FCHSD1: variants seen among roughly 807,000 people sequenced by gnomAD.
FCHSD1 encodes the protein F-BAR and double SH3 domains protein 1.
A neutral mutation model predicts 101.3 loss-of-function variants in FCHSD1; 109 were observed. The ratio of observed to expected loss-of-function variants is 1.08; its 90% confidence interval spans 0.92 to 1.26. The LOEUF (loss-of-function observed/expected upper bound fraction) is 1.26, where lower values mean the gene tolerates loss of function less well. FCHSD1 is among the 50% of genes most tolerant of loss of function. FCHSD1 has a pLI of 0.00. For synonymous variants in FCHSD1, 291 were observed against 356.8 expected, an observed-to-expected ratio of 0.82 and a Z score of 2.08; for missense variants, 820 against 895.8, an observed-to-expected ratio of 0.92 and a Z score of 1.08.
chr5:141,641,311 A>C lies in FCHSD1; in HGVS notation c.*187T>G. ...TTCCGGTCCTAGAGATGATAGAACA[A>C]TGGGAAAAAAAGGAGTGGGTTCCAG... On this transcript the variant is annotated 3_prime_UTR_variant, in exon 20 of 20. Coordinates refer to ENST00000435817, the MANE Select transcript of FCHSD1 (RefSeq NM_033449.3). 1 of 521,140 alleles carries C rather than the reference A, an allele frequency of 1.9e-6. No individual in the cohort carries two copies. 32.3% of individuals were successfully genotyped at this position (521,140 alleles called of 1,614,324 possible).
intron 15 of FCHSD1, 28 bp from the exon 16 acceptor site, chr5:141,644,718 T>A (rs561261833): frequency 1.2e-6 from 2 of 1,612,926 alleles, no homozygotes; most frequent in South Asian, 2.2e-5. Flanking sequence ...TGAACAGATA[T>A]TAGACTTACC....
At position 141,649,540 on chromosome 5, in the gene FCHSD1, C is replaced by A; in HGVS notation, c.234-4G>T. The A allele has an allele frequency of 1.2e-6, 2 of 1,610,602 alleles. No homozygotes were observed. Among genetic ancestry groups the A allele is most frequent in the Non-Finnish European group, 1.7e-6 (2 of 1,179,004 alleles). The stretch of plus-strand genomic sequence containing the variant: ...GGCACCGAACACTGTCCTGCCCCTC[C>A]CCAGAGAAGGTCTGTGTTGAGGAGG... On this transcript the variant is annotated splice_region_variant and splice_polypyrimidine_tract_variant and intron_variant, in intron 4 of 19. Transcript: ENST00000435817. This position sits in a 1 kb window ranked among gnomAD's most constrained non-coding sequence, Gnocchi z 4.1.
chr5:141,639,579 C>T lies in FCHSD1; in HGVS notation c.*1919G>A, dbSNP rs751205892. On this transcript the variant is annotated 3_prime_UTR_variant, in exon 20 of 20. Coordinates refer to ENST00000435817, the MANE Select transcript of FCHSD1 (RefSeq NM_033449.3). This position sits in a 1 kb window ranked among gnomAD's most constrained non-coding sequence, Gnocchi z 4.4. Reference sequence around the variant, plus strand: ...CCGCAGCAAGAGGCCTCCACTTGTCCGTCAGGGACGCTCCAAGGAAGGAAA... The same window carrying T: ...CCGCAGCAAGAGGCCTCCACTTGTCTGTCAGGGACGCTCCAAGGAAGGAAA... 11 of 1,613,882 alleles carry T rather than the reference C, an allele frequency of 6.8e-6. No individual in the cohort carries two copies. Among genetic ancestry groups the T allele is most frequent in the South Asian group, 3.3e-5 (3 of 91,070 alleles).
chr5:141,646,044 T>G (rs745521691), intron 12 of FCHSD1, 43 bp downstream of exon 12: 5 of 1,572,364 alleles, frequency 3.2e-6, no homozygotes, highest in Non-Finnish European at 4.3e-6. Flanking sequence ...GAGTGGGGCT[T>G]GCCTGAGAAG....
rs780405921 is a variant in FCHSD1, at chr5:141,649,332, C to T, written c.376-24G>A. On this transcript the variant is annotated intron_variant, in intron 5 of 19. Transcript: ENST00000435817. The surrounding 1 kb of genome is among the most constrained non-coding windows in gnomAD (Gnocchi z 4.1). ...CCCTATTGGGATGCATACACAAAGT[C>T]CTTACCTAGACCACCTTTGGTCCCA... 1.2e-6 allele frequency: 2 copies of T among 1,613,988 alleles called. No individual in the cohort carries two copies. The highest frequency in any genetic ancestry group is 1.7e-6 in the Non-Finnish European group (2 of 1,179,872).
rs1394060616 is a variant in FCHSD1, at chr5:141,643,024, G to A, written c.1928C>T (p.Pro643Leu). ...ACCCCCAGGCAGGACAGGTGCAGGG[G>A]GCCCATCCAACACAGAGGTAGGTGC... ...PPAPTSVLDGPPAPVLPGDKA... is the reference protein window; with the variant it reads ...PPAPTSVLDGLPAPVLPGDKA... The change falls in exon 18 of 20, where the codon CCC (proline) becomes CTC (leucine). Residue 643 changes from proline (P) to leucine (L), a missense_variant. Coordinates refer to ENST00000435817, the MANE Select transcript of FCHSD1 (RefSeq NM_033449.3). 6.4e-7 allele frequency: 1 copy of A among 1,565,176 alleles called. No individual in the cohort carries two copies. The highest frequency in any genetic ancestry group is 1.2e-5 in the South Asian group (1 of 85,110).
intron 17 of FCHSD1, 29 bp downstream of exon 17, chr5:141,644,189 G>A: frequency 6.3e-7 from 1 of 1,582,366 alleles, no homozygotes; most frequent in African/African-American, 1.4e-5. Context: ...AGAGGTGCCT[G>A]GGGAGTTCAG....
Position 141,640,799 on chromosome 5 carries a change from C to A in FCHSD1, c.*699G>T. 2.2e-6 allele frequency: 2 copies of A among 894,102 alleles called. No individual in the cohort carries two copies. The highest frequency in any genetic ancestry group is 3.3e-6 in the Non-Finnish European group (2 of 597,830). 55.4% of individuals were successfully genotyped at this position (894,102 alleles called of 1,614,324 possible). A position where few individuals can be genotyped will look rare whatever the true frequency, so the allele number is the denominator to read the frequency against. On this transcript the variant is annotated 3_prime_UTR_variant, in exon 20 of 20. Transcript: ENST00000435817. Reference sequence around the variant, plus strand: ...CCAGCTCTACTTCCACCTGGAGTTGCACAGTCTCAGGCTGGGGGCCTCAGG... The same window carrying A: ...CCAGCTCTACTTCCACCTGGAGTTGAACAGTCTCAGGCTGGGGGCCTCAGG...
intron 8 of FCHSD1, chr5:141,647,742 A>G (rs2099907833): frequency 1.0e-6 from 1 of 955,060 alleles, no homozygotes; most frequent in Admixed American, 3.0e-5. Context: ...ATAGGCAGAG[A>G]AAGGGTTATC....
intron 8 of FCHSD1, 90 bp downstream of exon 8, chr5:141,647,878 C>T (rs747364930): frequency 6.6e-7 from 1 of 1,525,412 alleles, no homozygotes; most frequent in East Asian, 2.4e-5. Flanking sequence ...AGATCCCCTG[C>T]ACCACCCACT....
rs770492101 is a variant in FCHSD1 at position 141,647,132 on chromosome 5, C to T, written c.924+3G>A. On this transcript the variant is annotated splice_donor_region_variant and intron_variant, in intron 10 of 19. Transcript: ENST00000435817. ...CTGGTTCCAACAAGCAGGAAGATCTCACCTGATCAGTCCCTGCTGGCTGAA... is the reference window on the plus strand; with the variant it reads ...CTGGTTCCAACAAGCAGGAAGATCTTACCTGATCAGTCCCTGCTGGCTGAA... The T allele has an allele frequency of 6.2e-7, 1 of 1,601,852 alleles. No homozygotes were observed. Among genetic ancestry groups the T allele is most frequent in the South Asian group, 1.1e-5 (1 of 88,546 alleles).
Position 141,640,311 on chromosome 5 carries a change from C to T in FCHSD1, c.*1187G>A, listed in dbSNP as rs769298620. On this transcript the variant is annotated 3_prime_UTR_variant, in exon 20 of 20. Coordinates refer to ENST00000435817, the MANE Select transcript of FCHSD1 (RefSeq NM_033449.3). ...TGATCACCAGGTAGGAAAACACAGC[C>T]GGGACTGCACTGGGCTGGGCTCTTA... 83 of 1,613,554 alleles carry T rather than the reference C, an allele frequency of 5.1e-5. No homozygotes were observed. Among genetic ancestry groups the T allele is most frequent in the East Asian group, 4.2e-4 (19 of 44,888 alleles).
In FCHSD1 at chr5:141,643,081, G is replaced by A. The variant is rs772631461; in HGVS notation, c.1871C>T (p.Pro624Leu). The change falls in exon 18 of 20, where the codon CCG becomes CTG. Residue 624 changes from proline to leucine, a missense_variant. Physicochemically the swap from Pro to Leu is moderately conservative, Grantham distance 98. Coordinates refer to ENST00000435817, the MANE Select transcript of FCHSD1 (RefSeq NM_033449.3). The part of the protein sequence containing the change: ...PELSDPEQML[P>L]SPSPPSFSPP... ...GGAGAAGCTGGGAGGAGAAGGGGAC[G>A]GCAGCATCTGGAGGTGGGGTGGGCA... 10 of 1,488,302 alleles carry A rather than the reference G, an allele frequency of 6.7e-6. No individual in the cohort carries two copies. The highest frequency in any genetic ancestry group is 2.7e-5 in the South Asian group (2 of 75,240). The allele number at this position is 1,488,302 out of a possible 1,614,324, so 92.2% of individuals were successfully genotyped here. A position where few individuals can be genotyped will look rare whatever the true frequency, so the allele number is the denominator to read the frequency against.
rs905657584 is a variant in FCHSD1, at chr5:141,643,772, C to T, written c.1863+446G>A. Reference sequence around the variant, plus strand: ...CTGATACAGGAGAATCGTTTGAACCCGGGAGGCAGAGGTTGCGGTGAGCTG... The same window carrying T: ...CTGATACAGGAGAATCGTTTGAACCTGGGAGGCAGAGGTTGCGGTGAGCTG... On this transcript the variant is annotated intron_variant, in intron 17 of 19. Transcript: ENST00000435817. Among the ~76,000 whole-genome samples the T allele has an allele frequency of 4.6e-5, 7 of 150,966 alleles. No individual in the cohort carries two copies. In the South Asian group the frequency reaches 8.3e-4, roughly 18 times the overall value.
intron 10 of FCHSD1, among the ~76,000 whole-genome samples, 180 bp downstream of exon 10, chr5:141,646,955 G>A (rs2099907736): frequency 6.6e-6 from 1 of 152,232 alleles, no homozygotes; most frequent in Admixed American, 6.5e-5. Context: ...GTGACTGAAA[G>A]GTGGACTGAG....
chr5:141,639,631 C>T lies in FCHSD1; in HGVS notation c.*1867G>A, dbSNP rs374920239. 25 of 1,605,908 alleles carry T rather than the reference C, an allele frequency of 1.6e-5. No individual in the cohort carries two copies. The highest frequency in any genetic ancestry group is 2.1e-5 in the Non-Finnish European group (25 of 1,176,182). ...AGCCGCCCCCGGACAGGGGAGACCA[C>T]TGTGTTCTCTGTGGGCAGGTGGGGC... On this transcript the variant is annotated 3_prime_UTR_variant, in exon 20 of 20. Coordinates refer to ENST00000435817, the MANE Select transcript of FCHSD1 (RefSeq NM_033449.3). This position sits in a 1 kb window ranked among gnomAD's most constrained non-coding sequence, Gnocchi z 4.4.
In FCHSD1 at chr5:141,641,275, A is replaced by C; in HGVS notation, c.*223T>G. On this transcript the variant is annotated 3_prime_UTR_variant, in exon 20 of 20. Transcript: ENST00000435817. ...CCACCCTAGATAGGGTCATGACAGA[A>C]GAGAAGGTAGTTCCGGTCCTAGAGA... The C allele has an allele frequency of 2.2e-6, 1 of 450,274 alleles. No individual in the cohort carries two copies. The allele number at this position is 450,274 out of a possible 1,614,324, so 27.9% of individuals were successfully genotyped here. A position where few individuals can be genotyped will look rare whatever the true frequency, so the allele number is the denominator to read the frequency against.
Position 141,641,470 on chromosome 5 carries a change from T to A in FCHSD1, c.*28A>T. On this transcript the variant is annotated 3_prime_UTR_variant, in exon 20 of 20. Transcript: ENST00000435817. Reference sequence around the variant, plus strand: ...CAGCTTGAAGATAGGGACAGCAGCATCACTGGGGGTCAAGGCTTCCCTGGC... The same window carrying A: ...CAGCTTGAAGATAGGGACAGCAGCAACACTGGGGGTCAAGGCTTCCCTGGC... 3 of 1,463,992 alleles carry A rather than the reference T, an allele frequency of 2.0e-6. No individual in the cohort carries two copies. The highest frequency in any genetic ancestry group is 1.8e-6 in the Non-Finnish European group (2 of 1,106,120). 90.7% of individuals were successfully genotyped at this position (1,463,992 alleles called of 1,614,324 possible). A position where few individuals can be genotyped will look rare whatever the true frequency, so the allele number is the denominator to read the frequency against.
intron 8 of FCHSD1, chr5:141,647,746 G>A (rs1015521593): frequency 1.2e-5 from 11 of 944,280 alleles, no homozygotes; most frequent in Non-Finnish European, 1.7e-5. Context: ...GCAGAGAAAG[G>A]GTTATCCCTG....
Sources: gnomAD v4.1 joint callset for allele counts (sites outside exome capture counted in the v4.1 genomes callset) on GRCh38, gnomAD v4.1.1 for gene constraint, Gnocchi (gnomAD v3.1) non-coding constraint, MANE v1.5 for transcripts, NCBI Gene and HGNC (gene_info 2026-07-23, HGNC 2026-07-21) for gene names.